SHC3: variants seen among roughly 807,000 people sequenced by gnomAD.
SHC3 encodes SHC-transforming protein 3.
Under a neutral mutation model 60.4 loss-of-function variants are expected in SHC3, and 15 were observed. The ratio of observed to expected loss-of-function variants is 0.25; its 90% CI spans 0.17 to 0.38. SHC3 has a LOEUF of 0.38. Ranked by LOEUF, SHC3 falls within the 10% of genes least tolerant of loss-of-function variation. The pLI, the probability that SHC3 is intolerant of heterozygous loss-of-function variation, is 1.00. For missense variants in SHC3, 677 were observed against 786.1 expected (o/e 0.86, Z 1.66); for synonymous variants, 294 against 325.9 (o/e 0.90, Z 1.05).
At chr9:89,078,561 C>G (rs1301785146) in intron 2 of SHC3, among the ~76,000 whole-genome samples, 1 of 152,034 alleles carries the variant, frequency 6.6e-6, no homozygotes, top group Non-Finnish European at 1.5e-5. Context: ...GGCAGAGTGT[C>G]CTGGTGCTGA....
At chr9:89,154,653 A>T (rs1826595591) in intron 1 of SHC3, among the ~76,000 whole-genome samples, 2 of 152,244 alleles carry the variant, frequency 1.3e-5, no homozygotes, top group Non-Finnish European at 2.9e-5. Flanking sequence ...AGAGAAAATT[A>T]TATTAATATA....
chr9:89,009,577 GTA>G lies in SHC3; in HGVS notation c.*3868_*3869del, dbSNP rs1825988673. On this transcript the variant is annotated 3_prime_UTR_variant, in exon 12 of 12. Coordinates refer to ENST00000375835, the MANE Select transcript of SHC3 (RefSeq NM_016848.6). Reference sequence around the variant, plus strand: ...CAGCACGCCCTCAAGCTGGGAACATGTATAGCCCTGCAGTGTAGAGCACGCCA... The same window carrying G: ...CAGCACGCCCTCAAGCTGGGAACATGTAGCCCTGCAGTGTAGAGCACGCCA... The G allele has an allele frequency of 6.6e-6, 1 of 152,232 alleles. No individual in the cohort carries two copies. Among genetic ancestry groups the G allele is most frequent in the Non-Finnish European group, 1.5e-5 (1 of 68,054 alleles). The allele number at this position is 152,232 out of a possible 1,614,324, so 9.4% of individuals were successfully genotyped here.
intron 11 of SHC3, among the ~76,000 whole-genome samples, chr9:89,024,321 A>C (rs1422528015): frequency 6.6e-6 from 1 of 152,212 alleles, no homozygotes; most frequent in African/African-American, 2.4e-5. Flanking sequence ...TCTGTCACCC[A>C]GGCTGGAGTG....
intron 1 of SHC3, among the ~76,000 whole-genome samples, chr9:89,168,634 T>A (rs1294299032): frequency 2.0e-5 from 3 of 152,188 alleles, no homozygotes; most frequent in Admixed American, 2.0e-4. Context: ...AAAATACTTC[T>A]AGAGTTTATG....
intron 2 of SHC3, among the ~76,000 whole-genome samples, chr9:89,105,607 T>C (rs1167108309): frequency 6.6e-6 from 1 of 152,236 alleles, no homozygotes; most frequent in Non-Finnish European, 1.5e-5. Flanking sequence ...TTATCTTCAA[T>C]ATCTAAACAG....
intron 11 of SHC3, among the ~76,000 whole-genome samples, chr9:89,022,437 C>T (rs914967012): frequency 2.0e-5 from 3 of 152,160 alleles, no homozygotes; most frequent in Non-Finnish European, 4.4e-5. Context: ...AACCGTGGGA[C>T]GTACAGTCAA....
intron 1 of SHC3, among the ~76,000 whole-genome samples, chr9:89,117,390 C>T (rs1826033032): frequency 6.6e-6 from 1 of 152,314 alleles, no homozygotes; most frequent in East Asian, 1.9e-4. Flanking sequence ...TCCCTCAAAT[C>T]TAATAAGGTG....
chr9:89,159,662 A>G (rs1029620044), intron 1 of SHC3, among the ~76,000 whole-genome samples: 3 of 152,210 alleles, frequency 2.0e-5, no homozygotes, highest in African/African-American at 7.2e-5. Context: ...GCTGAGGAGC[A>G]AGGAGAGCCA....
intron 2 of SHC3, among the ~76,000 whole-genome samples, chr9:89,096,391 T>C (rs1288014091): frequency 6.6e-6 from 1 of 152,186 alleles, no homozygotes; most frequent in African/African-American, 2.4e-5. Flanking sequence ...TACAAGCTAA[T>C]TTCCATGAAC....
At chr9:89,026,765 G>A (rs751830489) in intron 11 of SHC3, among the ~76,000 whole-genome samples, 2 of 152,186 alleles carry the variant, frequency 1.3e-5, no homozygotes, top group Non-Finnish European at 2.9e-5. Context: ...TTGCCTGGGC[G>A]AGCACTCACT....
rs1362218920 is a variant in SHC3 at position 89,075,192 on chromosome 9, T to C, written c.646A>G (p.Ser216Gly). 6.2e-7 allele frequency: 1 copy of C among 1,614,008 alleles called. No homozygotes were observed. Among genetic ancestry groups the C allele is most frequent in the Non-Finnish European group, 8.5e-7 (1 of 1,179,922 alleles). ...SKMLSSILGK[S>G]NLQFAGMSIS... is the part of the protein sequence containing the mutation. ...CTCATTCCCGCAAACTGGAGGTTGC[T>C]CTTTCCCAAGATGCTGGACAGCATT... The change falls in exon 4 of 12, where the codon AGC (serine) becomes GGC (glycine). Residue 216 changes from serine to glycine, a missense_variant. Transcript: ENST00000375835.
chr9:89,100,296 C>A (rs1825764109), intron 2 of SHC3, among the ~76,000 whole-genome samples: 2 of 152,118 alleles, frequency 1.3e-5, no homozygotes, highest in African/African-American at 4.8e-5. Flanking sequence ...GAACGGGTAT[C>A]ATTAGTTTGA....
At chr9:89,059,973 T>C (rs1022228864) in intron 6 of SHC3, among the ~76,000 whole-genome samples, 6 of 133,952 alleles carry the variant, frequency 4.5e-5, no homozygotes, top group African/African-American at 1.7e-4. Context: ...AGGACGATGG[T>C]GGAGGATTTA....
Position 89,008,492 on chromosome 9 carries a change from T to C in SHC3, c.*4955A>G, listed in dbSNP as rs1436984084. Reference sequence around the variant, plus strand: ...AAATTCCCGGGCCCCACTCCAGACCTAGGGAGTCAGGAACTTGGCGGGGCC... The same window carrying C: ...AAATTCCCGGGCCCCACTCCAGACCCAGGGAGTCAGGAACTTGGCGGGGCC... On this transcript the variant is annotated 3_prime_UTR_variant, in exon 12 of 12. Transcript: ENST00000375835. 2.6e-5 allele frequency: 4 copies of C among 152,228 alleles called. No individual in the cohort carries two copies. Among genetic ancestry groups the C allele is most frequent in the Non-Finnish European group, 5.9e-5 (4 of 68,002 alleles). The allele number at this position is 152,228 out of a possible 1,614,324, so 9.4% of individuals were successfully genotyped here.
chr9:89,059,318 CGTTGTGGAGGAT>C (rs1244527461), intron 6 of SHC3, among the ~76,000 whole-genome samples: 2 of 25,848 alleles, frequency 7.7e-5, no homozygotes, highest in African/African-American at 2.5e-4. Flanking sequence ...TGGTGGAGGA[CGTTGTGGAGGAT>C]GGTGGTGGAG....
chr9:89,100,797 T>C (rs973760553), intron 2 of SHC3, among the ~76,000 whole-genome samples: 5 of 152,238 alleles, frequency 3.3e-5, no homozygotes, highest in African/African-American at 1.2e-4. Context: ...TCCATCCACA[T>C]TGTTGTACAT....
At chr9:89,112,268 A>G (rs1014683795) in intron 2 of SHC3, among the ~76,000 whole-genome samples, 10 of 152,386 alleles carry the variant, frequency 6.6e-5, no homozygotes, top group Middle Eastern at 6.8e-3. Context: ...AGTTTCACAC[A>G]TTAAAGAAAC....
At chr9:89,031,348 A>T (rs1465790089) in intron 11 of SHC3, among the ~76,000 whole-genome samples, 1 of 152,106 alleles carries the variant, frequency 6.6e-6, no homozygotes, top group Admixed American at 6.5e-5. Flanking sequence ...CATTTTCATC[A>T]CCATAAAAAG....
chr9:89,029,699 T>C (rs1000771887), intron 11 of SHC3, among the ~76,000 whole-genome samples: 1 of 152,114 alleles, frequency 6.6e-6, no homozygotes, highest in African/African-American at 2.4e-5. Flanking sequence ...TCCTAAGAAA[T>C]AGATGGAATG....
Sources: gnomAD v4.1 joint callset for allele counts (sites outside exome capture counted in the v4.1 genomes callset) on GRCh38, gnomAD v4.1.1 for gene constraint, MANE v1.5 for transcripts, NCBI Gene and HGNC (gene_info 2026-07-23, HGNC 2026-07-21) for gene names.